The following RIC1 variants were observed in gnomAD, a reference collection of about 807,000 sequenced individuals.
RIC1 encodes guanine nucleotide exchange factor subunit RIC1.
Under a neutral mutation model 169.0 loss-of-function variants are expected in RIC1, and 88 were observed. The observed-to-expected ratio is 0.52, with a 90% confidence interval of 0.44 to 0.62. The LOEUF is 0.62. RIC1 is among the 20% of genes least tolerant of loss of function. The pLI is 0.00. For missense variants in RIC1, 1,877 were observed against 1,725.5 expected (o/e 1.09, Z -1.56); for synonymous variants, 790 against 601.5 (o/e 1.31, Z -4.59).
rs936601053 is a variant in RIC1 at position 5,720,240 on chromosome 9, A to C, written c.499A>C (p.Ile167Leu). 5.0e-5 allele frequency: 80 copies of C among 1,613,170 alleles called. No individual in the cohort carries two copies. The highest frequency in any genetic ancestry group is 6.7e-5 in the Non-Finnish European group (79 of 1,179,234). ...VATSDGLLHL[I>L]HWEGMTNGRK... The stretch of plus-strand genomic sequence containing the variant: ...TACTTCTGATGGACTTCTTCATCTT[A>C]TTCACTGGGAAGGAATGACAAATGG... The change falls in exon 5 of 26, where the codon ATT becomes CTT. Residue 167 changes from isoleucine to leucine, a missense_variant. This residue lies in a region of RIC1 where 1,104 missense variants were observed against 992.0 expected (regional missense o/e 1.11). Coordinates refer to ENST00000414202, the MANE Select transcript of RIC1 (RefSeq NM_020829.4).
chr9:5,682,057 C>T (rs190107326), intron 2 of RIC1, among the ~76,000 whole-genome samples: 8 of 152,302 alleles, frequency 5.3e-5, no homozygotes, highest in African/African-American at 1.9e-4. Context: ...TGTGTCTCTG[C>T]ACCTGAGATG....
At chr9:5,651,796 G>C (rs1160120038) in intron 1 of RIC1, among the ~76,000 whole-genome samples, 1 of 152,048 alleles carries the variant, frequency 6.6e-6, no homozygotes, top group Non-Finnish European at 1.5e-5. Context: ...TCGAACTCCT[G>C]ATCTCAAGTG....
At chr9:5,722,917 A>G (rs1158614203) in intron 6 of RIC1, among the ~76,000 whole-genome samples, 1 of 152,228 alleles carries the variant, frequency 6.6e-6, no homozygotes, top group Non-Finnish European at 1.5e-5. Context: ...ATAGTATTCC[A>G]TGGTGTATAT....
At chr9:5,676,940 T>C (rs1263782115) in intron 2 of RIC1, among the ~76,000 whole-genome samples, 4 of 152,238 alleles carry the variant, frequency 2.6e-5, no homozygotes, top group African/African-American at 4.8e-5. Context: ...ATGGACAGTT[T>C]GACTTGTTTC....
chr9:5,763,281 C>T lies in RIC1; in HGVS notation c.2254C>T (p.Leu752Phe), dbSNP rs746548657. Residue 752 changes from leucine to phenylalanine, a missense_variant, in exon 19 of 26, where the codon CTC (leucine) becomes TTC (phenylalanine). This residue lies in a region of RIC1 where 1,104 missense variants were observed against 992.0 expected (regional missense o/e 1.11). Transcript: ENST00000414202. This position sits in a 1 kb window ranked among gnomAD's most constrained non-coding sequence, Gnocchi z 5.2. ...GGAGMKVWLP[L>F]FPRDHRKPHS... ...TGCAGGGATGAAAGTTTGGCTCCCT[C>T]TCTTCCCTAGGGATCACCGCAAGCC... The T allele has an allele frequency of 6.2e-7, 1 of 1,614,142 alleles. No homozygotes were observed. Among genetic ancestry groups the T allele is most frequent in the Non-Finnish European group, 8.5e-7 (1 of 1,180,018 alleles).
At chr9:5,708,331 C>T (rs369027489) in intron 3 of RIC1, among the ~76,000 whole-genome samples, 3 of 152,208 alleles carry the variant, frequency 2.0e-5, no homozygotes, top group African/African-American at 7.2e-5. Context: ...ACCAAAAATA[C>T]TGCTGGCTTT....
chr9:5,650,111 C>T (rs1818719959), intron 1 of RIC1, among the ~76,000 whole-genome samples: 1 of 152,134 alleles, frequency 6.6e-6, no homozygotes, highest in Admixed American at 6.5e-5. Flanking sequence ...CCCCAGGGTA[C>T]ACAGGCATGG....
At chr9:5,719,632 A>C (rs570961046) in intron 4 of RIC1, 1 of 152,518 alleles carries the variant, frequency 6.6e-6, no homozygotes, top group African/African-American at 2.4e-5. Context: ...GAATTTATTT[A>C]AATTTACATT....
At chr9:5,650,285 G>C (rs1818730272) in intron 1 of RIC1, among the ~76,000 whole-genome samples, 1 of 152,116 alleles carries the variant, frequency 6.6e-6, no homozygotes. Flanking sequence ...CAGGCTGGGT[G>C]GGCTGACTCT....
chr9:5,685,858 A>C (rs1324606222), intron 2 of RIC1, among the ~76,000 whole-genome samples: 2 of 135,410 alleles, frequency 1.5e-5, no homozygotes, highest in African/African-American at 2.6e-5. Flanking sequence ...CATGGGAGAA[A>C]ATTTTTGCAA....
At chr9:5,718,220 TTTCTA>T (rs1205210117) in intron 4 of RIC1, among the ~76,000 whole-genome samples, 1 of 151,188 alleles carries the variant, frequency 6.6e-6, no homozygotes, top group South Asian at 2.1e-4. Flanking sequence ...ATTATAATGT[TTTCTA>T]TACAAGGCTG....
At chr9:5,752,502 G>A (rs1207506684) in intron 12 of RIC1, among the ~76,000 whole-genome samples, 17 of 150,950 alleles carry the variant, frequency 1.1e-4, no homozygotes, top group Non-Finnish European at 2.9e-5. Context: ...GTGCAGTGGC[G>A]CGATCCTGGC....
chr9:5,774,189 C>G lies in RIC1; in HGVS notation c.4215C>G (p.Ala1405=), dbSNP rs753779392. The G allele has an allele frequency of 6.2e-7, 1 of 1,613,852 alleles. No individual in the cohort carries two copies. Among genetic ancestry groups the G allele is most frequent in the Admixed American group, 1.7e-5 (1 of 60,002 alleles). The change falls in exon 26 of 26, where the codon GCC becomes GCG. Residue 1405 remains alanine (A), a synonymous_variant. Coordinates refer to ENST00000414202, the MANE Select transcript of RIC1 (RefSeq NM_020829.4). ...NMVSRKEEDT[A]QAEEEEPFQD... Reference sequence around the variant, plus strand: ...TCAGCCGGAAAGAGGAGGACACAGCCCAAGCAGAGGAGGAAGAACCTTTTC... The same window carrying G: ...TCAGCCGGAAAGAGGAGGACACAGCGCAAGCAGAGGAGGAAGAACCTTTTC...
At chr9:5,718,536 G>C (rs904050007) in intron 4 of RIC1, among the ~76,000 whole-genome samples, 1 of 152,172 alleles carries the variant, frequency 6.6e-6, no homozygotes, top group African/African-American at 2.4e-5. Flanking sequence ...CTAGATTATA[G>C]CTGCCTATTG....
At chr9:5,639,119 C>G (rs1818114140) in intron 1 of RIC1, among the ~76,000 whole-genome samples, 1 of 152,166 alleles carries the variant, frequency 6.6e-6, no homozygotes, top group African/African-American at 2.4e-5. Flanking sequence ...GTTTCCCAGG[C>G]TGTTCTCAAA....
At chr9:5,633,765 T>A (rs1817836079) in intron 1 of RIC1, among the ~76,000 whole-genome samples, 1 of 152,182 alleles carries the variant, frequency 6.6e-6, no homozygotes, top group African/African-American at 2.4e-5. Context: ...TTAGCAAATT[T>A]CAAGTATACA....
At chr9:5,658,152 A>G (rs539942088) in intron 2 of RIC1, among the ~76,000 whole-genome samples, 5 of 152,152 alleles carry the variant, frequency 3.3e-5, no homozygotes, top group African/African-American at 7.2e-5. Context: ...ACTCATGTCA[A>G]AAGAACCAAA....
intron 2 of RIC1, among the ~76,000 whole-genome samples, chr9:5,664,965 G>T (rs550081007): frequency 6.6e-6 from 1 of 152,270 alleles, no homozygotes; most frequent in South Asian, 2.1e-4. Context: ...TAACAGGTCG[G>T]TTATGTTGCT....
chr9:5,746,088 G>A lies in RIC1; in HGVS notation c.1248+5G>A. On this transcript the variant is annotated splice_donor_5th_base_variant and intron_variant, in intron 11 of 25. Coordinates refer to ENST00000414202, the MANE Select transcript of RIC1 (RefSeq NM_020829.4). ...CTCACTGTAAACCCTTGTATGGTAA[G>A]TATATTTAAAGCTCTGATTTTTTAG... 1 of 1,602,914 alleles carries A rather than the reference G, an allele frequency of 6.2e-7. No individual in the cohort carries two copies. The highest frequency in any genetic ancestry group is 8.5e-7 in the Non-Finnish European group (1 of 1,172,162).
Sources: allele counts gnomAD v4.1 joint callset (sites outside exome capture counted in the v4.1 genomes callset), GRCh38; gene constraint gnomAD v4.1.1; regional missense constraint gnomAD v4.1.1; non-coding constraint Gnocchi (gnomAD v3.1); transcripts MANE v1.5; gene names NCBI Gene and HGNC (gene_info 2026-07-23, HGNC 2026-07-21).